The following SDCBP variants were observed in gnomAD, a reference collection of about 807,000 sequenced individuals.
SDCBP encodes the protein syntenin-1.
Under a neutral mutation model 30.5 loss-of-function variants are expected in SDCBP, and 22 were observed. The observed-to-expected ratio is 0.72, with a 90% CI of 0.52 to 1.03. SDCBP has a LOEUF of 1.03. Among genes scored for constraint, SDCBP ranks in the 50% least tolerant of loss-of-function variants. SDCBP has a pLI of 0.00. For missense variants in SDCBP, 304 were observed against 369.9 expected (o/e 0.82, Z 1.46); for synonymous variants, 103 against 118.7 (o/e 0.87, Z 0.86).
chr8:58,556,435 C>T (rs1439104802), intron 1 of SDCBP, among the ~76,000 whole-genome samples: 1 of 152,118 alleles, frequency 6.6e-6, no homozygotes, highest in Non-Finnish European at 1.5e-5. Flanking sequence ...TGGTCCATGG[C>T]CCGGGGGTTG....
chr8:58,559,078 T>TA (rs1804299258), intron 1 of SDCBP, among the ~76,000 whole-genome samples: 1 of 152,160 alleles, frequency 6.6e-6, no homozygotes, highest in African/African-American at 2.4e-5. Flanking sequence ...ATTTGTTATT[T>TA]AAAAAAAATT....
chr8:58,558,691 G>A (rs778313692), intron 1 of SDCBP, among the ~76,000 whole-genome samples: 1 of 152,202 alleles, frequency 6.6e-6, no homozygotes, highest in Non-Finnish European at 1.5e-5. Flanking sequence ...CTGAGGCAGA[G>A]TTGAGAGGAG....
chr8:58,570,748 G>A (rs1251049917), intron 2 of SDCBP, 139 bp from the exon 3 acceptor site: 11 of 597,996 alleles, frequency 1.8e-5, no homozygotes, highest in South Asian at 4.7e-5. Context: ...TATTGCTGAT[G>A]TGTTTGAAAT....
At chr8:58,566,658 G>A (rs1039123600) in intron 2 of SDCBP, among the ~76,000 whole-genome samples, 2 of 152,016 alleles carry the variant, frequency 1.3e-5, no homozygotes, top group Non-Finnish European at 2.9e-5. Context: ...AAACTCTTTG[G>A]CTGTTTTTGT....
At chr8:58,579,252 C>T (rs1805533223) in intron 6 of SDCBP, among the ~76,000 whole-genome samples, 1 of 151,880 alleles carries the variant, frequency 6.6e-6, no homozygotes, top group Non-Finnish European at 1.5e-5. Flanking sequence ...CTAGAAAATA[C>T]CAAAAGTTAA....
At chr8:58,558,113 A>G (rs577130679) in intron 1 of SDCBP, among the ~76,000 whole-genome samples, 66 of 152,334 alleles carry the variant, frequency 4.3e-4, no homozygotes, top group Admixed American at 1.6e-3. Context: ...CTTCAGAAAA[A>G]TAAAGCATTT....
intron 1 of SDCBP, chr8:58,561,700 C>T: frequency 3.1e-6 from 2 of 646,960 alleles, no homozygotes; most frequent in South Asian, 3.5e-5. Context: ...CAATGGGAGT[C>T]TGTTAAATGG....
At position 58,572,242 on chromosome 8, in the gene SDCBP, C is replaced by A; in HGVS notation, c.168C>A (p.Tyr56Ter). 6.2e-7 allele frequency: 1 copy of A among 1,611,718 alleles called. No individual in the cohort carries two copies. The highest frequency in any genetic ancestry group is 2.2e-5 in the East Asian group (1 of 44,830). The change falls in exon 4 of 9, where the codon TAC becomes TAA. Residue 56 changes from tyrosine to a stop codon, truncating the protein, a stop_gained. Transcript: ENST00000260130. LOFTEE classifies it high-confidence loss of function. ...GACTGTATCCAGAGCTCTCTCAATA[C>A]ATGGGGCTGAGTTTAAATGAAGAAG... ...YPRLYPELSQ[Y>*]MGLSLNEEEI...
At chr8:58,553,669 C>A (rs73684344) in intron 1 of SDCBP, among the ~76,000 whole-genome samples, 1 of 152,220 alleles carries the variant, frequency 6.6e-6, no homozygotes. Context: ...GACCGTCTCT[C>A]GATCCTTGTT....
intron 5 of SDCBP, among the ~76,000 whole-genome samples, chr8:58,577,138 A>G (rs908421854): frequency 1.3e-5 from 2 of 152,232 alleles, no homozygotes; most frequent in Non-Finnish European, 2.9e-5. Context: ...GCCCCACTGT[A>G]GGTAATAGTT....
intron 7 of SDCBP, among the ~76,000 whole-genome samples, chr8:58,580,205 ACCT>A (rs1399387004): frequency 6.6e-6 from 1 of 152,078 alleles, no homozygotes; most frequent in African/African-American, 2.4e-5. Context: ...TTTAAGCATG[ACCT>A]CCTCATTTCA....
rs879148668 is a variant in SDCBP, at chr8:58,582,669, G to GA, written c.*930dup. 2.0e-5 allele frequency: 3 copies of GA among 152,646 alleles called. No individual in the cohort carries two copies. In the South Asian group the frequency reaches 6.2e-4, roughly 32 times the overall value. The allele number at this position is 152,646 out of a possible 1,614,324, so 9.5% of individuals were successfully genotyped here. ...GGTATAATACTTAATTTTGGCATTT[G>GA]ACTCTTAAGATTATGTAACCTAGCT... On this transcript the variant is annotated 3_prime_UTR_variant, in exon 9 of 9. Transcript: ENST00000260130.
At chr8:58,571,718 AATG>A (rs977720716) in intron 3 of SDCBP, among the ~76,000 whole-genome samples, 1 of 152,210 alleles carries the variant, frequency 6.6e-6, no homozygotes, top group African/African-American at 2.4e-5. Flanking sequence ...AAATTATTAA[AATG>A]ATAAGACACT....
At position 58,556,977 on chromosome 8, in the gene SDCBP, CATAAT is replaced by C. The variant is rs1314732915; in HGVS notation, c.-16+3678_-16+3682del. Among the ~76,000 whole-genome samples, 10 of 135,544 alleles carry C rather than the reference CATAAT, an allele frequency of 7.4e-5. No homozygotes were observed. In the South Asian group the frequency reaches 1.9e-3, roughly 25 times the overall value. The allele number at this position is 135,544 out of a possible 152,430, so 88.9% of individuals were successfully genotyped here. A position where few individuals can be genotyped will look rare whatever the true frequency, so the allele number is the denominator to read the frequency against. ...ATAATGATTTATATATTATATATAA[CATAAT>C]ATATATTGTATATCATACTATTATA... On this transcript the variant is annotated intron_variant, in intron 1 of 8. Coordinates refer to ENST00000260130, the MANE Select transcript of SDCBP (RefSeq NM_005625.4).
chr8:58,579,560 A>G (rs1216972982), intron 6 of SDCBP, 63 bp from the exon 7 acceptor site: 1 of 1,285,164 alleles, frequency 7.8e-7, no homozygotes, highest in South Asian at 1.8e-5. Flanking sequence ...TTTATGCTAT[A>G]TGAAATCCAT....
chr8:58,561,991 T>G (rs1488448873), intron 1 of SDCBP, among the ~76,000 whole-genome samples: 1 of 151,952 alleles, frequency 6.6e-6, no homozygotes, highest in Non-Finnish European at 1.5e-5. Flanking sequence ...TTAGAAGATG[T>G]TTTATGTAAA....
chr8:58,571,081 C>T, intron 3 of SDCBP, 116 bp downstream of exon 3: 1 of 665,466 alleles, frequency 1.5e-6, no homozygotes, highest in East Asian at 2.7e-5. Flanking sequence ...GGTAGTTAAG[C>T]TCAAATAGTT....
chr8:58,580,555 T>C lies in SDCBP; in HGVS notation c.789T>C (p.Thr263=). 4.4e-6 allele frequency: 7 copies of C among 1,596,924 alleles called. No homozygotes were observed. The highest frequency in any genetic ancestry group is 6.0e-6 in the Non-Finnish European group (7 of 1,164,820). Residue 263 remains threonine, a synonymous_variant, in exon 8 of 9, where the codon ACT becomes ACC. Transcript: ENST00000260130. The part of the protein sequence containing the change: ...QIADILSTSG[T]VVTITIMPAF... ...CAGACATACTGTCAACATCTGGGAC[T>C]GTAGTTACTATTACAATCATGCCTG... is the stretch of plus-strand genomic sequence containing the variant.
At chr8:58,557,083 T>A (rs1285585461) in intron 1 of SDCBP, among the ~76,000 whole-genome samples, 1 of 128,480 alleles carries the variant, frequency 7.8e-6, no homozygotes, top group East Asian at 2.2e-4. Context: ...TAGTATAGTA[T>A]AATTTATACC....
Sources: allele counts gnomAD v4.1 joint callset (sites outside exome capture counted in the v4.1 genomes callset), GRCh38; gene constraint gnomAD v4.1.1; transcripts MANE v1.5; gene names NCBI Gene and HGNC (gene_info 2026-07-23, HGNC 2026-07-21).